ACTR10: variants seen among roughly 807,000 people sequenced by gnomAD.
The protein encoded by ACTR10 is actin-related protein 10.
A neutral mutation model predicts 56.2 loss-of-function variants in ACTR10; 43 were observed. That is an observed-to-expected ratio of 0.77 (90% CI 0.60 to 0.99). The LOEUF is 0.99. Among genes scored for constraint, ACTR10 ranks in the 50% least tolerant of loss-of-function variants. The probability of loss-of-function intolerance (pLI) is 0.00; values close to 1 mark genes in which losing one functional copy is unlikely to be tolerated. For missense variants in ACTR10, 466 were observed against 507.8 expected, an observed-to-expected ratio of 0.92 and a Z score of 0.79; for synonymous variants, 170 against 176.3, an observed-to-expected ratio of 0.96 and a Z score of 0.28.
intron 7 of ACTR10, among the ~76,000 whole-genome samples, chr14:58,216,185 C>T (rs565699006): frequency 2.0e-5 from 3 of 152,248 alleles, no homozygotes; most frequent in Non-Finnish European, 2.9e-5. Context: ...AGGGCAGTGG[C>T]GCGATCTTGG....
At chr14:58,214,528 T>A (rs947912722) in intron 6 of ACTR10, among the ~76,000 whole-genome samples, 8 of 151,828 alleles carry the variant, frequency 5.3e-5, no homozygotes, top group African/African-American at 1.9e-4. Flanking sequence ...TCTCGCTCTG[T>A]CACCCAGGCT....
chr14:58,225,920 A>T (rs1019603050), intron 10 of ACTR10, among the ~76,000 whole-genome samples: 2 of 152,028 alleles, frequency 1.3e-5, no homozygotes, highest in African/African-American at 4.8e-5. Context: ...CCATGTTGGC[A>T]AGGCTGGTCT....
At chr14:58,212,610 G>A (rs1405141663) in intron 5 of ACTR10, among the ~76,000 whole-genome samples, 1 of 152,126 alleles carries the variant, frequency 6.6e-6, no homozygotes, top group Non-Finnish European at 1.5e-5. Context: ...CATGCAACAT[G>A]AGTATTATTA....
intron 2 of ACTR10, among the ~76,000 whole-genome samples, chr14:58,205,137 C>G (rs1566621970): frequency 6.6e-6 from 1 of 151,814 alleles, no homozygotes; most frequent in Non-Finnish European, 1.5e-5. Flanking sequence ...AGGAGAATCA[C>G]TTGAACCCGG....
intron 6 of ACTR10, among the ~76,000 whole-genome samples, chr14:58,214,909 C>T (rs1889095917): frequency 6.6e-6 from 1 of 151,216 alleles, no homozygotes; most frequent in Admixed American, 6.6e-5. Flanking sequence ...AGTTCAAGAC[C>T]AGCCTGGCCA....
rs1889008039 is a variant in ACTR10, at chr14:58,211,930, ACT to A, written c.450+534_450+535del. ...ACTCCAGCCTGGGCGACAGAGCGAG[ACT>A]CTGTCTCAAAAAAAAAAAAAGAATA... On this transcript the variant is annotated intron_variant, in intron 5 of 12. Transcript: ENST00000254286. Among the ~76,000 whole-genome samples, 8 of 142,912 alleles carry A rather than the reference ACT, an allele frequency of 5.6e-5. No homozygotes were observed. In the South Asian group the frequency reaches 1.3e-3, roughly 24 times the overall value. 93.8% of individuals were successfully genotyped at this position (142,912 alleles called of 152,430 possible).
chr14:58,235,127 G>C lies in ACTR10; in HGVS notation c.*576G>C, dbSNP rs1029431861. The C allele has an allele frequency of 6.6e-6, 1 of 152,102 alleles. No homozygotes were observed. The highest frequency in any genetic ancestry group is 2.4e-5 in the African/African-American group (1 of 41,424). 9.4% of individuals were successfully genotyped at this position (152,102 alleles called of 1,614,324 possible). ...ACCACTGTACCAGCCTATGTTGCTTGTCTTTCAAAAAGAACAGTATTTCTC... is the reference window on the plus strand; with the variant it reads ...ACCACTGTACCAGCCTATGTTGCTTCTCTTTCAAAAAGAACAGTATTTCTC... On this transcript the variant is annotated 3_prime_UTR_variant, in exon 13 of 13. Coordinates refer to ENST00000254286, the MANE Select transcript of ACTR10 (RefSeq NM_018477.3).
At chr14:58,232,948 G>A (rs551175509) in intron 12 of ACTR10, among the ~76,000 whole-genome samples, 13 of 148,330 alleles carry the variant, frequency 8.8e-5, no homozygotes, top group African/African-American at 2.5e-4. Context: ...CCAGCTCACC[G>A]CAACCTCTGC....
At chr14:58,207,041 T>TC (rs1888882590) in intron 2 of ACTR10, 1 of 150,126 alleles carries the variant, frequency 6.7e-6, no homozygotes, top group African/African-American at 2.5e-5. Flanking sequence ...TTTTTTTTTT[T>TC]GAGACAGGTT....
At position 58,200,202 on chromosome 14, in the gene ACTR10, A is replaced by C; in HGVS notation, c.-16A>C. On this transcript the variant is annotated 5_prime_UTR_variant, in exon 1 of 13. Transcript: ENST00000254286. ...GCGGAGACTGCGACCCTCTTCTCTC[A>C]GTCTGCCTTACTACCATGCCGCTCT... The C allele has an allele frequency of 6.6e-7, 1 of 1,512,058 alleles. No individual in the cohort carries two copies. The allele number at this position is 1,512,058 out of a possible 1,614,324, so 93.7% of individuals were successfully genotyped here.
chr14:58,212,109 A>G (rs1235323524), intron 5 of ACTR10, among the ~76,000 whole-genome samples: 1 of 152,178 alleles, frequency 6.6e-6, no homozygotes, highest in Non-Finnish European at 1.5e-5. Flanking sequence ...TTGGTCAGGT[A>G]GCTTAATCTC....
At position 58,200,175 on chromosome 14, in the gene ACTR10, C is replaced by T. The variant is rs369639625; in HGVS notation, c.-43C>T. The T allele has an allele frequency of 4.9e-6, 7 of 1,433,244 alleles. No individual in the cohort carries two copies. In the South Asian group the frequency reaches 5.9e-5, roughly 12 times the overall value. 88.8% of individuals were successfully genotyped at this position (1,433,244 alleles called of 1,614,324 possible). ...CCCCGCGAGCGCCGAGACTTGTTGGCCGCGGAGACTGCGACCCTCTTCTCT... is the reference window on the plus strand; with the variant it reads ...CCCCGCGAGCGCCGAGACTTGTTGGTCGCGGAGACTGCGACCCTCTTCTCT... On this transcript the variant is annotated 5_prime_UTR_variant, in exon 1 of 13. Transcript: ENST00000254286.
rs565168321 is a variant in ACTR10 at position 58,213,796 on chromosome 14, C to T, written c.518+98C>T. On this transcript the variant is annotated intron_variant, in intron 6 of 12. Transcript: ENST00000254286. ...AGTGATCAATAGAGGGCTTGTGATA[C>T]GGACAGTGAATTTTATTCATTCCGC... The T allele has an allele frequency of 3.4e-5, 28 of 818,300 alleles. No individual in the cohort carries two copies. In the East Asian group the frequency reaches 4.5e-4, roughly 13 times the overall value. 50.7% of individuals were successfully genotyped at this position (818,300 alleles called of 1,614,324 possible).
chr14:58,217,635 C>T (rs1198327364), intron 7 of ACTR10, among the ~76,000 whole-genome samples: 3 of 148,068 alleles, frequency 2.0e-5, no homozygotes, highest in African/African-American at 5.0e-5. Flanking sequence ...CATTGCACTC[C>T]AACCTGGGTG....
In ACTR10 at chr14:58,223,870, T is replaced by C; in HGVS notation, c.788+14T>C. 1.9e-6 allele frequency: 3 copies of C among 1,586,664 alleles called. No individual in the cohort carries two copies. The highest frequency in any genetic ancestry group is 2.6e-6 in the Non-Finnish European group (3 of 1,163,578). ...TGGATCAATCAGGTTAGATCTTAAATTTTTACGGCAAAGTAGTAAACTAAA... is the reference window on the plus strand; with the variant it reads ...TGGATCAATCAGGTTAGATCTTAAACTTTTACGGCAAAGTAGTAAACTAAA... On this transcript the variant is annotated intron_variant, in intron 10 of 12. Transcript: ENST00000254286.
chr14:58,200,386 T>C, intron 1 of ACTR10, 92 bp downstream of exon 1: 1 of 1,091,836 alleles, frequency 9.2e-7, no homozygotes, highest in Non-Finnish European at 1.2e-6. Context: ...GCCGACTCGC[T>C]GGGCAGCTCC....
chr14:58,218,208 T>G (rs1889182145), intron 7 of ACTR10, among the ~76,000 whole-genome samples: 1 of 152,200 alleles, frequency 6.6e-6, no homozygotes, highest in South Asian at 2.1e-4. Flanking sequence ...TGGAATGCTG[T>G]AGGTTTTAGC....
At chr14:58,200,327 C>A in intron 1 of ACTR10, 33 bp downstream of exon 1, 2 of 1,465,954 alleles carry the variant, frequency 1.4e-6, no homozygotes, top group South Asian at 1.4e-5. Context: ...GTGTTCGACC[C>A]GAGGGGAGGG....
chr14:58,207,193 AC>A, intron 2 of ACTR10: 1 of 158,866 alleles, frequency 6.3e-6, no homozygotes, highest in Non-Finnish European at 1.4e-5. Flanking sequence ...GGTGCACGCC[AC>A]CACGCCTAGC....
Sources: allele counts gnomAD v4.1 joint callset (sites outside exome capture counted in the v4.1 genomes callset), GRCh38; gene constraint gnomAD v4.1.1; transcripts MANE v1.5; gene names NCBI Gene and HGNC (gene_info 2026-07-23, HGNC 2026-07-21).